Variants in AK5 observed in about 807,000 individuals in gnomAD.
AK5 encodes the protein adenylate kinase 5.
AK5 carries 27 observed loss-of-function variants against 69.5 expected under a neutral mutation model. The ratio of observed to expected loss-of-function variants is 0.39; its 90% CI spans 0.29 to 0.54. The LOEUF is 0.54. AK5 is among the 20% of genes least tolerant of loss of function. AK5 has a pLI of 0.71. For synonymous variants in AK5, 260 were observed against 244.4 expected, an observed-to-expected ratio of 1.06 and a Z score of -0.60; for missense variants, 531 against 700.4, an observed-to-expected ratio of 0.76 and a Z score of 2.73.
intron 7 of AK5, among the ~76,000 whole-genome samples, chr1:77,413,051 A>G (rs1427019728): frequency 6.6e-6 from 1 of 151,980 alleles, no homozygotes. Context: ...CTGAAAAAAA[A>G]ACAAAACAAA....
At chr1:77,379,292 A>G (rs1016864315) in intron 6 of AK5, among the ~76,000 whole-genome samples, 9 of 152,308 alleles carry the variant, frequency 5.9e-5, no homozygotes, top group East Asian at 3.9e-4. Context: ...AGACTTGCCT[A>G]CTGTGGTTCA....
At chr1:77,356,997 CTCT>C (rs377463114) in intron 6 of AK5, among the ~76,000 whole-genome samples, 74 of 152,202 alleles carry the variant, frequency 4.9e-4, no homozygotes, top group African/African-American at 1.1e-3. Flanking sequence ...GATTTTTTCT[CTCT>C]TCTTCTGTCT....
Position 77,367,569 on chromosome 1 carries a change from A to ATATATGTTATATATATATATGT in AK5, c.891+27006_891+27007insGTTATATATATATATGTTATAT, listed in dbSNP as rs1646980173. 1.5e-3 allele frequency among the ~76,000 whole-genome samples: 46 copies of ATATATGTTATATATATATATGT among 31,642 alleles called. 1 individual carries two copies. Among genetic ancestry groups the ATATATGTTATATATATATATGT allele is most frequent in the African/African-American group, 3.9e-3 (41 of 10,538 alleles). 20.8% of individuals were successfully genotyped at this position (31,642 alleles called of 152,430 possible). ...ATTTATGTTATTTTTATATATATATATATATATATAATATATATGTTATAT... is the reference window on the plus strand; with the variant it reads ...ATTTATGTTATTTTTATATATATATATATATGTTATATATATATATGTTATATATATAATATATATGTTATAT... On this transcript the variant is annotated intron_variant, in intron 6 of 13. Transcript: ENST00000354567.
At chr1:77,454,971 T>G (rs1308988182) in intron 8 of AK5, among the ~76,000 whole-genome samples, 3 of 152,178 alleles carry the variant, frequency 2.0e-5, no homozygotes, top group African/African-American at 7.2e-5. Context: ...ATAAGAAGCT[T>G]TTTCCACTAT....
chr1:77,421,089 G>A (rs1650782437), intron 8 of AK5, among the ~76,000 whole-genome samples: 1 of 152,080 alleles, frequency 6.6e-6, no homozygotes, highest in Non-Finnish European at 1.5e-5. Flanking sequence ...ATAAAAATAG[G>A]CAGCAGAGTG....
At chr1:77,463,582 A>C (rs948381855) in intron 8 of AK5, among the ~76,000 whole-genome samples, 19 of 150,728 alleles carry the variant, frequency 1.3e-4, no homozygotes, top group African/African-American at 4.6e-4. Flanking sequence ...AAAAAAAAAA[A>C]AAGGTAAATT....
chr1:77,353,456 C>A (rs148099466), intron 6 of AK5, among the ~76,000 whole-genome samples: 2 of 151,956 alleles, frequency 1.3e-5, no homozygotes, highest in Non-Finnish European at 2.9e-5. Context: ...CCAGCCAGGG[C>A]GGTAGAGCAA....
chr1:77,525,805 A>G (rs530376847), intron 12 of AK5, among the ~76,000 whole-genome samples: 126 of 152,304 alleles, frequency 8.3e-4, no homozygotes, highest in Non-Finnish European at 2.6e-4. Context: ...CTATTGGTCT[A>G]TATATCTGTC....
At chr1:77,424,204 G>A (rs1651037663) in intron 8 of AK5, among the ~76,000 whole-genome samples, 1 of 152,210 alleles carries the variant, frequency 6.6e-6, no homozygotes, top group South Asian at 2.1e-4. Context: ...GATTTGAATA[G>A]ACTAAGCATC....
intron 12 of AK5, among the ~76,000 whole-genome samples, chr1:77,533,509 C>CAAAAAAAAAA (rs10526328): frequency 1.1e-5 from 1 of 94,972 alleles, no homozygotes; most frequent in African/African-American, 5.0e-5. Context: ...ACTCTGTCAC[C>CAAAAAAAAAA]AAAAAAAAAA....
At chr1:77,461,424 T>G (rs1653832879) in intron 8 of AK5, among the ~76,000 whole-genome samples, 1 of 151,348 alleles carries the variant, frequency 6.6e-6, no homozygotes, top group Non-Finnish European at 1.5e-5. Flanking sequence ...GAGGGGGGAA[T>G]GGGGAGATGT....
intron 13 of AK5, among the ~76,000 whole-genome samples, chr1:77,553,161 T>C (rs1032803785): frequency 2.6e-5 from 4 of 152,154 alleles, no homozygotes; most frequent in Non-Finnish European, 4.4e-5. Flanking sequence ...GAAAATCATA[T>C]ATAAAGTTGG....
intron 8 of AK5, among the ~76,000 whole-genome samples, chr1:77,461,174 C>T (rs993817769): frequency 6.6e-6 from 1 of 151,658 alleles, no homozygotes; most frequent in Admixed American, 6.6e-5. Context: ...GCTGAGACTA[C>T]AGGTGCCCAC....
chr1:77,363,572 A>G (rs928496899), intron 6 of AK5, among the ~76,000 whole-genome samples: 3 of 152,182 alleles, frequency 2.0e-5, no homozygotes, highest in Admixed American at 2.0e-4. Flanking sequence ...GGCCTTCTGT[A>G]TGATGTAGTA....
Position 77,282,218 on chromosome 1 carries a change from G to C in AK5, c.-96G>C, listed in dbSNP as rs114518551. On this transcript the variant is annotated 5_prime_UTR_variant, in exon 1 of 14. Transcript: ENST00000354567. ...GAGAAAGAGGGCTGCACCGCTGCTC[G>C]GCGCGGACTCTGCCAGCCCCAGCTT... 351 of 1,208,794 alleles carry C rather than the reference G, an allele frequency of 2.9e-4. No individual in the cohort carries two copies. In the African/African-American group the frequency reaches 4.8e-3, roughly 16 times the overall value. The allele number at this position is 1,208,794 out of a possible 1,614,324, so 74.9% of individuals were successfully genotyped here. A position where few individuals can be genotyped will look rare whatever the true frequency, so the allele number is the denominator to read the frequency against.
chr1:77,509,104 CT>C (rs1657185255), intron 10 of AK5, among the ~76,000 whole-genome samples: 1 of 152,152 alleles, frequency 6.6e-6, no homozygotes, highest in East Asian at 1.9e-4. Flanking sequence ...CCAAGGTCCC[CT>C]AATTGACTTT....
chr1:77,368,496 C>A (rs1399379028), intron 6 of AK5, among the ~76,000 whole-genome samples: 2 of 150,914 alleles, frequency 1.3e-5, no homozygotes, highest in Non-Finnish European at 2.9e-5. Flanking sequence ...CTCAGCCACC[C>A]GTGTGGACAA....
At chr1:77,419,584 C>T (rs1017533977) in intron 8 of AK5, among the ~76,000 whole-genome samples, 16 of 152,064 alleles carry the variant, frequency 1.1e-4, no homozygotes, top group South Asian at 6.2e-4. Flanking sequence ...ATTCAATTAA[C>T]GGTTGAATAG....
intron 12 of AK5, among the ~76,000 whole-genome samples, chr1:77,534,524 A>G (rs1658849229): frequency 6.6e-6 from 1 of 152,244 alleles, no homozygotes; most frequent in African/African-American, 2.4e-5. Flanking sequence ...CTGTATGCCA[A>G]GGAGCATACG....
Sources: gnomAD v4.1 joint callset for allele counts (sites outside exome capture counted in the v4.1 genomes callset) on GRCh38, gnomAD v4.1.1 for gene constraint, MANE v1.5 for transcripts, NCBI Gene and HGNC (gene_info 2026-07-23, HGNC 2026-07-21) for gene names.